The following POT1 variants were observed in gnomAD, a reference collection of about 807,000 sequenced individuals.
The protein encoded by POT1 is protection of telomeres 1.
POT1 carries 47 observed loss-of-function variants against 78.5 expected under a neutral mutation model. The ratio of observed to expected loss-of-function variants is 0.60; its 90% CI spans 0.47 to 0.76. The LOEUF is 0.76. Ranked by LOEUF, POT1 falls within the 30% of genes least tolerant of loss-of-function variation. The pLI, the probability that POT1 is intolerant of heterozygous loss-of-function variation, is 0.00. For synonymous variants in POT1, 259 were observed against 260.7 expected (o/e 0.99, Z 0.06); for missense variants, 646 against 749.9 (o/e 0.86, Z 1.62).
In POT1 at chr7:124,858,980, C is replaced by T. The variant is rs2116525266; in HGVS notation, c.679G>A (p.Val227Ile). ...TIDILVYDNH[V>I]HVARSLKVGS... ...ACCTTCAGAGATCTTGCCACATGAA[C>T]ATGGTTATCGTAGACTAAAATGTCT... Residue 227 changes from valine (V) to isoleucine (I), a missense_variant, in exon 9 of 19, where the codon GTT (valine) becomes ATT (isoleucine). Transcript: ENST00000357628. 6.2e-7 allele frequency: 1 copy of T among 1,608,904 alleles called. No homozygotes were observed. The highest frequency in any genetic ancestry group is 8.5e-7 in the Non-Finnish European group (1 of 1,176,686).
intron 6 of POT1, among the ~76,000 whole-genome samples, chr7:124,885,716 A>C (rs2116612186): frequency 6.6e-6 from 1 of 152,226 alleles, no homozygotes; most frequent in South Asian, 2.1e-4. Context: ...CAGTGAGCTA[A>C]GATCATGCCA....
chr7:124,843,837 G>T lies in POT1; in HGVS notation c.1007-874C>A, dbSNP rs75672298. Among the ~76,000 whole-genome samples the T allele has an allele frequency of 7.8e-3, 1,194 of 152,244 alleles. 19 individuals carry two copies. Among genetic ancestry groups the T allele is most frequent in the African/African-American group, 0.028 (1,149 of 41,532 alleles). On this transcript the variant is annotated intron_variant, in intron 12 of 18. Transcript: ENST00000357628. Reference sequence around the variant, plus strand: ...TTTCAGTACTGAGCTTTAATCCAATGAAATTCTTGTTGAATTAGTTTTCCT... The same window carrying T: ...TTTCAGTACTGAGCTTTAATCCAATTAAATTCTTGTTGAATTAGTTTTCCT...
chr7:124,833,814 T>C (rs1462450386), intron 15 of POT1, among the ~76,000 whole-genome samples: 1 of 152,182 alleles, frequency 6.6e-6, no homozygotes, highest in Non-Finnish European at 1.5e-5. Context: ...AAAGAACAGA[T>C]ATATGCCAGA....
intron 11 of POT1, among the ~76,000 whole-genome samples, chr7:124,848,170 A>T (rs919633099): frequency 2.0e-5 from 3 of 152,178 alleles, no homozygotes. Context: ...TTTGGGTTAC[A>T]CGTTTATGTA....
chr7:124,887,884 A>C (rs1796283143), intron 6 of POT1, among the ~76,000 whole-genome samples: 1 of 152,122 alleles, frequency 6.6e-6, no homozygotes, highest in Non-Finnish European at 1.5e-5. Context: ...AATAAACTGA[A>C]ATTCATGGCT....
chr7:124,884,161 AGAT>A (rs1796188839), intron 6 of POT1, among the ~76,000 whole-genome samples: 1 of 152,150 alleles, frequency 6.6e-6, no homozygotes, highest in African/African-American at 2.4e-5. Flanking sequence ...TGTCCTTCTC[AGAT>A]GTGAAAATAA....
intron 12 of POT1, among the ~76,000 whole-genome samples, chr7:124,845,802 T>C (rs943609526): frequency 2.4e-4 from 37 of 152,142 alleles, no homozygotes; most frequent in Admixed American, 2.2e-3. Context: ...TATATTTTAT[T>C]TTTCCTTTAT....
At chr7:124,903,472 C>T (rs555911020) in intron 3 of POT1, among the ~76,000 whole-genome samples, 5 of 152,238 alleles carry the variant, frequency 3.3e-5, no homozygotes, top group African/African-American at 1.2e-4. Flanking sequence ...TTCTTTGAAA[C>T]CAATGAGAAC....
chr7:124,929,513 G>A (rs1369160532), intron 1 of POT1: 2 of 152,056 alleles, frequency 1.3e-5, no homozygotes, highest in East Asian at 1.9e-4. Flanking sequence ...TCTTGACGGG[G>A]ACACTCACTA....
At chr7:124,866,541 T>G (rs1795730076) in intron 7 of POT1, among the ~76,000 whole-genome samples, 1 of 152,166 alleles carries the variant, frequency 6.6e-6, no homozygotes, top group Non-Finnish European at 1.5e-5. Flanking sequence ...ACCCCAACCC[T>G]GGTGGACTTT....
At chr7:124,883,027 C>T (rs1008927279) in intron 6 of POT1, among the ~76,000 whole-genome samples, 21 of 152,044 alleles carry the variant, frequency 1.4e-4, no homozygotes, top group Non-Finnish European at 2.4e-4. Flanking sequence ...CTTGTCTCAA[C>T]TACCCAAATC....
chr7:124,830,259 T>C (rs1794727827), intron 15 of POT1, among the ~76,000 whole-genome samples: 1 of 152,190 alleles, frequency 6.6e-6, no homozygotes, highest in Admixed American at 6.5e-5. Flanking sequence ...ATTTTAACTA[T>C]GAGTAATTTA....
At chr7:124,897,730 CT>C (rs1289460597) in intron 4 of POT1, among the ~76,000 whole-genome samples, 1 of 151,634 alleles carries the variant, frequency 6.6e-6, no homozygotes, top group Non-Finnish European at 1.5e-5. Context: ...CTTATAGTAC[CT>C]TTGTGCATAC....
At chr7:124,874,650 G>C (rs936299246) in intron 6 of POT1, among the ~76,000 whole-genome samples, 1 of 151,620 alleles carries the variant, frequency 6.6e-6, no homozygotes, top group Admixed American at 6.6e-5. Flanking sequence ...CAGGAGAATC[G>C]CTTGAGCCTG....
At chr7:124,865,188 G>T (rs992158390) in intron 7 of POT1, among the ~76,000 whole-genome samples, 1 of 151,992 alleles carries the variant, frequency 6.6e-6, no homozygotes, top group Non-Finnish European at 1.5e-5. Context: ...TGGTATCATT[G>T]TTCTCCAACA....
At chr7:124,903,482 CAA>C (rs1298009485) in intron 3 of POT1, among the ~76,000 whole-genome samples, 1 of 152,106 alleles carries the variant, frequency 6.6e-6, no homozygotes, top group Non-Finnish European at 1.5e-5. Context: ...CCAATGAGAA[CAA>C]AGACACAACA....
At chr7:124,852,486 T>C (rs1346087041) in intron 10 of POT1, among the ~76,000 whole-genome samples, 1 of 152,156 alleles carries the variant, frequency 6.6e-6, no homozygotes, top group Non-Finnish European at 1.5e-5. Context: ...TCTAAATATA[T>C]AGCAGGTCTA....
Position 124,841,037 on chromosome 7 carries a change from T to A in POT1, c.1305A>T (p.Ala435=), listed in dbSNP as rs756111359. Residue 435 remains alanine, a synonymous_variant, in exon 14 of 19, where the codon GCA becomes GCT. Transcript: ENST00000357628. ...TTKNQKGRKV[A]VHFVKNNGIL... is the part of the protein sequence containing the mutation. ...TACCATTATTTTTCACAAAATGAAC[T>A]GCTACTTTTCGTCCTTTTTGATTTT... is the stretch of plus-strand genomic sequence containing the variant. 6.2e-7 allele frequency: 1 copy of A among 1,612,328 alleles called. No homozygotes were observed. The highest frequency in any genetic ancestry group is 1.7e-5 in the Admixed American group (1 of 60,008).
At chr7:124,878,903 T>C (rs1215412807) in intron 6 of POT1, among the ~76,000 whole-genome samples, 1 of 151,738 alleles carries the variant, frequency 6.6e-6, no homozygotes, top group African/African-American at 2.4e-5. Context: ...AAGGTATACC[T>C]GACAGAAGAC....
Sources: gnomAD v4.1 joint callset for allele counts (sites outside exome capture counted in the v4.1 genomes callset) on GRCh38, gnomAD v4.1.1 for gene constraint, MANE v1.5 for transcripts, NCBI Gene and HGNC (gene_info 2026-07-23, HGNC 2026-07-21) for gene names.